The following LRRC49 variants were observed in gnomAD, a reference collection of about 807,000 sequenced individuals.
The protein encoded by LRRC49 is leucine rich repeat containing 49, also known as leucine-rich repeat-containing protein 49.
LRRC49 carries 50 observed loss-of-function variants against 83.3 expected under a neutral mutation model. That is an observed-to-expected ratio of 0.60 (90% CI 0.48 to 0.76). The LOEUF (loss-of-function observed/expected upper bound fraction) is 0.76, where lower values mean the gene tolerates loss of function less well. Among genes scored for constraint, LRRC49 ranks in the 30% least tolerant of loss-of-function variants. The pLI is 0.00. For synonymous variants in LRRC49, 286 were observed against 283.3 expected (o/e 1.01, Z -0.10); for missense variants, 704 against 809.1 (o/e 0.87, Z 1.58).
At chr15:70,967,938 G>T (rs1421972749) in intron 9 of LRRC49, among the ~76,000 whole-genome samples, 1 of 150,772 alleles carries the variant, frequency 6.6e-6, no homozygotes, top group Non-Finnish European at 1.5e-5. Flanking sequence ...CAGCTGAAAG[G>T]TAAGATGAAG....
At chr15:70,885,652 T>C (rs999571888) in intron 2 of LRRC49, among the ~76,000 whole-genome samples, 2 of 152,186 alleles carry the variant, frequency 1.3e-5, no homozygotes, top group African/African-American at 2.4e-5. Context: ...CCTAATAACA[T>C]AGCTTCAAAA....
intron 2 of LRRC49, among the ~76,000 whole-genome samples, chr15:70,885,873 T>G (rs2033393204): frequency 6.6e-6 from 1 of 152,196 alleles, no homozygotes; most frequent in Non-Finnish European, 1.5e-5. Flanking sequence ...ACTATCCAAG[T>G]GCAGTACGCA....
intron 2 of LRRC49, among the ~76,000 whole-genome samples, chr15:70,884,537 C>T (rs1247106881): frequency 2.0e-5 from 3 of 150,684 alleles, no homozygotes; most frequent in Non-Finnish European, 4.4e-5. Flanking sequence ...CACATATATA[C>T]ACACAGAAAA....
upstream of LRRC49, among the ~76,000 whole-genome samples, chr15:70,890,050 T>A (rs774337249): frequency 1.3e-5 from 2 of 152,214 alleles, no homozygotes; most frequent in Non-Finnish European, 2.9e-5. Context: ...TGGTTATACT[T>A]ACTAAATGGA....
intron 8 of LRRC49, among the ~76,000 whole-genome samples, chr15:70,955,685 C>G (rs573894733): frequency 5.3e-5 from 8 of 152,294 alleles, no homozygotes; most frequent in African/African-American, 1.9e-4. Flanking sequence ...ATTTACCTCT[C>G]TTGGTTCCTA....
intron 1 of LRRC49, among the ~76,000 whole-genome samples, chr15:70,867,889 TAGTCTG>T (rs2032946045): frequency 1.3e-5 from 2 of 152,224 alleles, no homozygotes; most frequent in African/African-American, 4.8e-5. Flanking sequence ...CAAAGTGGAC[TAGTCTG>T]ATCTAGAGGT....
intron 14 of LRRC49, among the ~76,000 whole-genome samples, chr15:71,020,278 A>G (rs1363000445): frequency 1.3e-5 from 2 of 152,212 alleles, no homozygotes; most frequent in African/African-American, 4.8e-5. Context: ...GGAATGTAGT[A>G]CAAAAAGAAA....
intron 2 of LRRC49, among the ~76,000 whole-genome samples, chr15:70,884,729 G>A (rs2033359822): frequency 6.6e-6 from 1 of 152,168 alleles, no homozygotes; most frequent in South Asian, 2.1e-4. Context: ...ACAAAAAGGT[G>A]TATTCTGGAT....
intron 9 of LRRC49, among the ~76,000 whole-genome samples, chr15:70,971,242 G>A (rs775830572): frequency 3.3e-5 from 5 of 152,112 alleles, no homozygotes; most frequent in Non-Finnish European, 7.4e-5. Flanking sequence ...TATTTACCCA[G>A]TAGTCATTCA....
At chr15:70,960,121 T>C (rs1352914000) in intron 8 of LRRC49, among the ~76,000 whole-genome samples, 1 of 152,194 alleles carries the variant, frequency 6.6e-6, no homozygotes, top group African/African-American at 2.4e-5. Flanking sequence ...TACTTTTCTA[T>C]AAGTGGTTTC....
chr15:70,934,459 T>A (rs556524862), intron 7 of LRRC49, among the ~76,000 whole-genome samples: 1 of 152,330 alleles, frequency 6.6e-6, no homozygotes, highest in East Asian at 1.9e-4. Context: ...AATTGAATTC[T>A]GCATTTTAGT....
rs745593629 is a variant in LRRC49 at position 71,009,919 on chromosome 15, A to G, written c.1520A>G (p.Asn507Ser). The change falls in exon 13 of 16, where the codon AAT (asparagine) becomes AGT (serine). Residue 507 changes from asparagine to serine, a missense_variant. Coordinates refer to ENST00000260382, the MANE Select transcript of LRRC49 (RefSeq NM_017691.5). ...GATCCTCAAGGAAATCCAGTTGTCA[A>G]TTTTACACTCTGGAAATACTATGTA... ...TIDPQGNPVV[N>S]FTLWKYYVLF... The G allele has an allele frequency of 1.3e-5, 21 of 1,612,428 alleles. No homozygotes were observed. In the South Asian group the frequency reaches 1.5e-4, roughly 12 times the overall value.
chr15:71,049,593 A>G lies in LRRC49; in HGVS notation c.2042A>G (p.Gln681Arg). The G allele has an allele frequency of 6.2e-7, 1 of 1,602,280 alleles. No homozygotes were observed. The highest frequency in any genetic ancestry group is 8.5e-7 in the Non-Finnish European group (1 of 1,177,124). The change falls in exon 16 of 16, where the codon CAG becomes CGG. Residue 681 changes from glutamine (Q) to arginine (R), a missense_variant. Physicochemically the swap from Gln to Arg is conservative, Grantham distance 43. Around this residue, in one of 3 missense-constraint regions of LRRC49, gnomAD observed 275 missense variants for 338.0 expected, o/e 0.81. Coordinates refer to ENST00000260382, the MANE Select transcript of LRRC49 (RefSeq NM_017691.5). ...KNSYMKLCLQ[Q>R]ITDQK ...TCCTATATGAAGCTCTGCCTACAGCAGATAACAGACCAAAAATAAAAATGG... is the reference window on the plus strand; with the variant it reads ...TCCTATATGAAGCTCTGCCTACAGCGGATAACAGACCAAAAATAAAAATGG...
intron 9 of LRRC49, among the ~76,000 whole-genome samples, chr15:70,977,383 G>A (rs1293119522): frequency 1.3e-5 from 2 of 152,088 alleles, no homozygotes; most frequent in East Asian, 1.9e-4. Flanking sequence ...GGTGGCTCAC[G>A]CCTGTAATTG....
intron 11 of LRRC49, among the ~76,000 whole-genome samples, chr15:70,996,754 G>A (rs1025820549): frequency 5.3e-5 from 8 of 152,116 alleles, no homozygotes; most frequent in Admixed American, 5.2e-4. Context: ...GCATTTGCAA[G>A]ATGAGTCTAT....
At chr15:70,930,965 C>T (rs1231342196) in intron 7 of LRRC49, among the ~76,000 whole-genome samples, 1 of 152,110 alleles carries the variant, frequency 6.6e-6, no homozygotes, top group African/African-American at 2.4e-5. Context: ...AACTTTCTTC[C>T]TATTGTTTTT....
chr15:70,868,464 G>T (rs768041761), intron 1 of LRRC49, among the ~76,000 whole-genome samples: 2 of 152,190 alleles, frequency 1.3e-5, no homozygotes, highest in Non-Finnish European at 2.9e-5. Flanking sequence ...ACTCAAAATT[G>T]GGGAAACACT....
chr15:70,986,641 A>C (rs1265621059), intron 11 of LRRC49, among the ~76,000 whole-genome samples: 1 of 118,956 alleles, frequency 8.4e-6, no homozygotes, highest in African/African-American at 2.8e-5. Context: ...TCTCCTGCCT[A>C]ATTGCCCTGG....
At chr15:71,017,096 G>A (rs2038852289) in intron 14 of LRRC49, among the ~76,000 whole-genome samples, 1 of 152,104 alleles carries the variant, frequency 6.6e-6, no homozygotes, top group African/African-American at 2.4e-5. Context: ...GGGTGACAGA[G>A]CAAGACCCTG....
Sources: allele counts gnomAD v4.1 joint callset (sites outside exome capture counted in the v4.1 genomes callset), GRCh38; gene constraint gnomAD v4.1.1; regional missense constraint gnomAD v4.1.1; transcripts MANE v1.5; gene names NCBI Gene and HGNC (gene_info 2026-07-23, HGNC 2026-07-21).